USP47: variants seen among roughly 807,000 people sequenced by gnomAD.
The protein encoded by USP47 is ubiquitin carboxyl-terminal hydrolase 47.
In USP47, 35 loss-of-function variants were observed where a neutral mutation model predicts 165.1. That is an observed-to-expected ratio of 0.21 (90% CI 0.16 to 0.28). The LOEUF (loss-of-function observed/expected upper bound fraction) is 0.28. USP47 is among the 10% of genes least tolerant of loss of function. USP47 has a pLI of 1.00. For missense variants in USP47, 1,277 were observed against 1,607.4 expected, an observed-to-expected ratio of 0.79 and a Z score of 3.52; for synonymous variants, 531 against 544.5, an observed-to-expected ratio of 0.98 and a Z score of 0.35.
chr11:11,924,456 G>A (rs1183476050), intron 11 of USP47, among the ~76,000 whole-genome samples: 1 of 152,098 alleles, frequency 6.6e-6, no homozygotes, highest in African/African-American at 2.4e-5. Flanking sequence ...ATCTGCTTTT[G>A]GTGATGTTGG....
chr11:11,954,342 T>C (rs1856422924), intron 25 of USP47, among the ~76,000 whole-genome samples: 3 of 152,144 alleles, frequency 2.0e-5, no homozygotes, highest in African/African-American at 4.8e-5. Context: ...CGATCTTGGC[T>C]CACTGCAGCC....
chr11:11,891,857 C>G (rs1183062048), intron 3 of USP47, 111 bp from the exon 4 acceptor site: 1 of 1,354,212 alleles, frequency 7.4e-7, no homozygotes, highest in Non-Finnish European at 9.9e-7. Context: ...GAGCACCTTT[C>G]CAGAGTGTTT....
At chr11:11,946,047 C>T (rs890213523) in intron 20 of USP47, among the ~76,000 whole-genome samples, 6 of 151,864 alleles carry the variant, frequency 4.0e-5, no homozygotes, top group Non-Finnish European at 7.4e-5. Flanking sequence ...TCTGTGAAGA[C>T]ATAGACTCTT....
At position 11,956,225 on chromosome 11, in the gene USP47, G is replaced by A. The variant is rs771645091; in HGVS notation, c.*50G>A. On this transcript the variant is annotated 3_prime_UTR_variant, in exon 28 of 28. Transcript: ENST00000527733. ...GGGGGAGTTTTGGTTTTAATTAGAT[G>A]GTTCACTACCACTGGGTAGTGCCAT... The A allele has an allele frequency of 1.2e-6, 2 of 1,602,252 alleles. No individual in the cohort carries two copies. The highest frequency in any genetic ancestry group is 1.7e-6 in the Non-Finnish European group (2 of 1,172,194).
At chr11:11,888,549 G>A (rs1189177847) in intron 3 of USP47, among the ~76,000 whole-genome samples, 1 of 152,062 alleles carries the variant, frequency 6.6e-6, no homozygotes. Context: ...CTGAAATTGA[G>A]GCAGTAATAT....
Position 11,949,913 on chromosome 11 carries a change from G to A in USP47, c.3373G>A (p.Val1125Met), listed in dbSNP as rs774526070. 1 of 1,612,342 alleles carries A rather than the reference G, an allele frequency of 6.2e-7. No individual in the cohort carries two copies. The highest frequency in any genetic ancestry group is 8.5e-7 in the Non-Finnish European group (1 of 1,179,032). Reference sequence around the variant, plus strand: ...GCCATGCAAGTTTCTGCTAGATGCTGTGTTTGCTAAAGGAATGACTGTACG... The same window carrying A: ...GCCATGCAAGTTTCTGCTAGATGCTATGTTTGCTAAAGGAATGACTGTACG... The part of the protein sequence containing the change: ...QEPCKFLLDA[V>M]FAKGMTVRQS... The change falls in exon 23 of 28, where the codon GTG becomes ATG. Residue 1125 changes from valine to methionine, a missense_variant. Val to Met is a conservative substitution (Grantham distance 21, BLOSUM62 1). This residue lies in a region of USP47 where 909 missense variants were observed against 1,068.1 expected (regional missense o/e 0.85). Coordinates refer to ENST00000527733, the MANE Select transcript of USP47 (RefSeq NM_001282659.2).
chr11:11,936,526 C>G lies in USP47; in HGVS notation c.2077+16C>G, dbSNP rs541936970. 5 of 1,543,956 alleles carry G rather than the reference C, an allele frequency of 3.2e-6. No individual in the cohort carries two copies. The highest frequency in any genetic ancestry group is 1.4e-5 in the African/African-American group (1 of 72,850). On this transcript the variant is annotated intron_variant, in intron 17 of 27. Coordinates refer to ENST00000527733, the MANE Select transcript of USP47 (RefSeq NM_001282659.2). ...AAACCTGGAGGTGAGCAATTTTACA[C>G]TATTTTTAGTTGTTCTGTACTTAGA...
At chr11:11,910,736 C>T (rs1290586197) in intron 8 of USP47, among the ~76,000 whole-genome samples, 1 of 152,108 alleles carries the variant, frequency 6.6e-6, no homozygotes, top group Non-Finnish European at 1.5e-5. Context: ...ACTTCTAATG[C>T]CATCTGGCAC....
chr11:11,904,698 T>A (rs1852434991), intron 7 of USP47, among the ~76,000 whole-genome samples: 1 of 152,118 alleles, frequency 6.6e-6, no homozygotes, highest in Admixed American at 6.5e-5. Flanking sequence ...CTACCGCCTT[T>A]GAGTCAGAAA....
chr11:11,898,564 T>C (rs1851993483), intron 5 of USP47, among the ~76,000 whole-genome samples: 1 of 152,236 alleles, frequency 6.6e-6, no homozygotes, highest in East Asian at 1.9e-4. Flanking sequence ...CCTGTAGTGT[T>C]TAAATGCTAG....
rs368563999 is a variant in USP47, at chr11:11,846,675, C to G, written c.39+4451C>G. ...GCTTTGTATTAACTCATTTGAGCTT[C>G]ACAGCAACCTCAGAGTACATAAGAC... On this transcript the variant is annotated intron_variant, in intron 1 of 27. Coordinates refer to ENST00000527733, the MANE Select transcript of USP47 (RefSeq NM_001282659.2). Among the ~76,000 whole-genome samples the G allele has an allele frequency of 5.7e-4, 87 of 152,260 alleles. 3 individuals carry two copies. The South Asian group carries it at 0.018, about 31-fold the overall frequency.
intron 1 of USP47, among the ~76,000 whole-genome samples, chr11:11,869,619 A>C (rs2134237776): frequency 6.6e-6 from 1 of 152,346 alleles, no homozygotes; most frequent in Non-Finnish European, 1.5e-5. Context: ...GATAATCATC[A>C]AAATTTTCAA....
At chr11:11,844,373 C>T (rs1288869156) in intron 1 of USP47, among the ~76,000 whole-genome samples, 1 of 152,098 alleles carries the variant, frequency 6.6e-6, no homozygotes, top group South Asian at 2.1e-4. Flanking sequence ...CTTGAAGCTC[C>T]GGGACAGGTC....
intron 1 of USP47, among the ~76,000 whole-genome samples, chr11:11,843,859 C>T (rs12789925): frequency 0.076 from 11,510 of 152,170 alleles, 593 homozygotes; most frequent in East Asian, 0.25. Context: ...AGATTAATTC[C>T]CTTCCCTGAG....
intron 21 of USP47, 131 bp downstream of exon 21, chr11:11,948,251 TG>T (rs1205482707): frequency 1.3e-5 from 15 of 1,135,402 alleles, no homozygotes; most frequent in Admixed American, 6.1e-5. Context: ...AATGGTAATT[TG>T]GGGGGTTTTT....
intron 1 of USP47, among the ~76,000 whole-genome samples, chr11:11,844,836 G>C (rs951104617): frequency 1.3e-5 from 2 of 151,904 alleles, no homozygotes; most frequent in Non-Finnish European, 1.5e-5. Context: ...TAGTTGTTCA[G>C]TGAATAATAT....
rs560749364 is a variant in USP47, at chr11:11,956,838, T to C, written c.*663T>C. The C allele has an allele frequency of 6.6e-6, 1 of 152,662 alleles. No individual in the cohort carries two copies. The highest frequency in any genetic ancestry group is 2.4e-5 in the African/African-American group (1 of 41,590). 9.5% of individuals were successfully genotyped at this position (152,662 alleles called of 1,614,324 possible). A position where few individuals can be genotyped will look rare whatever the true frequency, so the allele number is the denominator to read the frequency against. On this transcript the variant is annotated 3_prime_UTR_variant, in exon 28 of 28. Coordinates refer to ENST00000527733, the MANE Select transcript of USP47 (RefSeq NM_001282659.2). ...CCCAGCAGGTGGCAGCTCAGATTGC[T>C]GCAGTGTTGTAATTATAACTGATTG...
chr11:11,851,206 G>T (rs976028771), intron 1 of USP47, among the ~76,000 whole-genome samples: 13 of 152,180 alleles, frequency 8.5e-5, no homozygotes, highest in African/African-American at 2.9e-4. Flanking sequence ...TCATCTTTAA[G>T]CATGCAGATT....
At chr11:11,891,401 T>A (rs1014451517) in intron 3 of USP47, among the ~76,000 whole-genome samples, 1 of 152,246 alleles carries the variant, frequency 6.6e-6, no homozygotes, top group East Asian at 1.9e-4. Context: ...GAATATGCTC[T>A]CTGATCTTCA....
Sources: gnomAD v4.1 joint callset for allele counts (sites outside exome capture counted in the v4.1 genomes callset) on GRCh38, gnomAD v4.1.1 for gene constraint, gnomAD v4.1.1 regional missense constraint, MANE v1.5 for transcripts, NCBI Gene and HGNC (gene_info 2026-07-23, HGNC 2026-07-21) for gene names.